The following PDE4A variants were observed in gnomAD, a reference collection of about 807,000 sequenced individuals.
PDE4A encodes 3',5'-cyclic-AMP phosphodiesterase 4A.
A neutral mutation model predicts 73.9 loss-of-function variants in PDE4A; 21 were observed. The ratio of observed to expected loss-of-function variants is 0.28; its 90% CI spans 0.20 to 0.41. PDE4A has a LOEUF of 0.41. Ranked by LOEUF, PDE4A falls within the 10% of genes least tolerant of loss-of-function variation. The probability of loss-of-function intolerance (pLI) is 1.00; values close to 1 mark genes in which losing one functional copy is unlikely to be tolerated. For missense variants in PDE4A, 958 were observed against 1,211.4 expected, an observed-to-expected ratio of 0.79 and a Z score of 3.10; for synonymous variants, 463 against 505.4, an observed-to-expected ratio of 0.92 and a Z score of 1.13.
Position 10,467,091 on chromosome 19 carries a change from C to G in PDE4A, c.2131C>G (p.Leu711Val), listed in dbSNP as rs1261124519. 3 of 1,614,148 alleles carry G rather than the reference C, an allele frequency of 1.9e-6. No homozygotes were observed. Among genetic ancestry groups the G allele is most frequent in the Non-Finnish European group, 1.7e-6 (2 of 1,180,024 alleles). The change falls in exon 15 of 15, where the codon CTG becomes GTG. Residue 711 changes from leucine (L) to valine (V), a missense_variant. By Grantham distance (32) the Leu-to-Val change is conservative. This residue lies in a region of PDE4A where 243 missense variants were observed against 245.9 expected (regional missense o/e 0.99). Coordinates refer to ENST00000380702, the MANE Select transcript of PDE4A (RefSeq NM_001111307.2). ...PPLPDKFQFE[L>V]TLEEEEEEEI... ...CCTGCCTGACAAGTTCCAGTTTGAGCTGACGCTGGAGGAGGAAGAGGAGGA... is the reference window on the plus strand; with the variant it reads ...CCTGCCTGACAAGTTCCAGTTTGAGGTGACGCTGGAGGAGGAAGAGGAGGA...
At chr19:10,416,900 C>G, upstream of PDE4A, 1 of 1,535,812 alleles carries the variant, frequency 6.5e-7, no homozygotes, top group Non-Finnish European at 8.7e-7. Context: ...CTGGCCCTGC[C>G]GACATGGCCA....
intron 2 of PDE4A, among the ~76,000 whole-genome samples, chr19:10,447,607 G>A (rs541374158): frequency 1.1e-4 from 16 of 151,770 alleles, no homozygotes; most frequent in South Asian, 8.3e-4. Context: ...GGGCTCAAGC[G>A]ATCCTCCCAC....
chr19:10,455,400 G>T (rs2043154371), intron 7 of PDE4A, among the ~76,000 whole-genome samples: 1 of 151,244 alleles, frequency 6.6e-6, no homozygotes. Context: ...GGGGGTGGAG[G>T]TTGCAGTGAG....
intron 2 of PDE4A, among the ~76,000 whole-genome samples, chr19:10,446,772 T>C (rs1390461881): frequency 6.6e-6 from 1 of 151,644 alleles, no homozygotes; most frequent in Non-Finnish European, 1.5e-5. Flanking sequence ...TTGTGTATTT[T>C]TAGTAGAGAC....
intron 1 of PDE4A, chr19:10,427,384 T>C (rs988050401): frequency 3.7e-6 from 2 of 537,486 alleles, no homozygotes; most frequent in African/African-American, 2.1e-5. Context: ...GCAGAGGTCC[T>C]GTGGTGGGAG....
In PDE4A at chr19:10,458,828, AG is replaced by A. The variant is rs1050417284; in HGVS notation, c.1102-570del. On this transcript the variant is annotated intron_variant, in intron 8 of 14. Coordinates refer to ENST00000380702, the MANE Select transcript of PDE4A (RefSeq NM_001111307.2). This position sits in a 1 kb window ranked among gnomAD's most constrained non-coding sequence, Gnocchi z 4.6. ...GAAATGGGGTTTCACCATGTTGACC[AG>A]GCTGGTCTCGAACTCCTGGCCTCAA... The A allele has an allele frequency of 6.5e-6, 1 of 153,846 alleles. No homozygotes were observed. Among genetic ancestry groups the A allele is most frequent in the African/African-American group, 2.4e-5 (1 of 41,434 alleles). 9.5% of individuals were successfully genotyped at this position (153,846 alleles called of 1,614,324 possible).
At chr19:10,433,674 C>G (rs2042824790) in intron 1 of PDE4A, among the ~76,000 whole-genome samples, 2 of 152,224 alleles carry the variant, frequency 1.3e-5, no homozygotes, top group Admixed American at 6.5e-5. Flanking sequence ...CCCCCAGTCT[C>G]TTACATACTC....
chr19:10,461,700 G>GGA lies in PDE4A; in HGVS notation c.1620+20_1620+21insGA. Reference sequence around the variant, plus strand: ...GACATGGTGGGCGGGGCTGGGGCGGGACGGAGCGGGAAAGGAAGCCTAGGA... The same window carrying GGA: ...GACATGGTGGGCGGGGCTGGGGCGGGGAACGGAGCGGGAAAGGAAGCCTAGGA... On this transcript the variant is annotated intron_variant, in intron 12 of 14. Coordinates refer to ENST00000380702, the MANE Select transcript of PDE4A (RefSeq NM_001111307.2). 1 of 598,458 alleles carries GGA rather than the reference G, an allele frequency of 1.7e-6. No individual in the cohort carries two copies. Among genetic ancestry groups the GGA allele is most frequent in the Non-Finnish European group, 3.1e-6 (1 of 318,874 alleles). 37.1% of individuals were successfully genotyped at this position (598,458 alleles called of 1,614,324 possible).
chr19:10,469,628 C>G lies in PDE4A; in HGVS notation c.*2007C>G, dbSNP rs200879608. The G allele has an allele frequency of 4.6e-5, 7 of 152,300 alleles. No individual in the cohort carries two copies. The highest frequency in any genetic ancestry group is 1.0e-4 in the Non-Finnish European group (7 of 68,060). 9.4% of individuals were successfully genotyped at this position (152,300 alleles called of 1,614,324 possible). A position where few individuals can be genotyped will look rare whatever the true frequency, so the allele number is the denominator to read the frequency against. ...TCTCCAATTAAACCGAGGCTTTCAC[C>G]GATTTTCCTGGCTGATGTGGCTTCA... is the stretch of plus-strand genomic sequence containing the variant. On this transcript the variant is annotated 3_prime_UTR_variant, in exon 15 of 15. Transcript: ENST00000380702.
intron 1 of PDE4A, among the ~76,000 whole-genome samples, chr19:10,430,408 G>T (rs1163148978): frequency 6.6e-6 from 1 of 151,950 alleles, no homozygotes; most frequent in African/African-American, 2.4e-5. Flanking sequence ...GAGAAGCCCC[G>T]GGATTTGGGG....
chr19:10,441,406 C>T (rs1043184926), intron 1 of PDE4A, among the ~76,000 whole-genome samples: 1 of 151,150 alleles, frequency 6.6e-6, no homozygotes, highest in Non-Finnish European at 1.5e-5. Flanking sequence ...GGATTACAGG[C>T]GTGAGCCACC....
chr19:10,467,060 C>G lies in PDE4A; in HGVS notation c.2100C>G (p.His700Gln). ...PPEEESRGPG[H>Q]PPLPDKFQFE... ...AGGAGGAGTCAAGGGGGCCAGGCCA[C>G]CCACCCCTGCCTGACAAGTTCCAGT... The change falls in exon 15 of 15, where the codon CAC (histidine) becomes CAG (glutamine). Residue 700 changes from histidine to glutamine, a missense_variant. His to Gln is a conservative substitution (Grantham distance 24). Transcript: ENST00000380702. The G allele has an allele frequency of 6.2e-7, 1 of 1,614,162 alleles. No individual in the cohort carries two copies.
Position 10,453,022 on chromosome 19 carries a change from C to T in PDE4A, c.784-1807C>T, listed in dbSNP as rs1040442226. 7.5e-6 allele frequency: 10 copies of T among 1,330,026 alleles called. No individual in the cohort carries two copies. Among genetic ancestry groups the T allele is most frequent in the African/African-American group, 1.5e-5 (1 of 65,028 alleles). 82.4% of individuals were successfully genotyped at this position (1,330,026 alleles called of 1,614,324 possible). On this transcript the variant is annotated intron_variant, in intron 6 of 14. Transcript: ENST00000380702. The surrounding 1 kb of genome is among the most constrained non-coding windows in gnomAD (Gnocchi z 4.6). ...CATGGGCACGGACCCCCCACCGCCT[C>T]CACCCACTGCCGCGGGGGGGCCCGT...
In PDE4A at chr19:10,450,077, C is replaced by G. The variant is rs139653395; in HGVS notation, c.621-526C>G. On this transcript the variant is annotated intron_variant, in intron 4 of 14. Transcript: ENST00000380702. The stretch of plus-strand genomic sequence containing the variant: ...CACCACTGCACTCCAGCCTGGGTGA[C>G]AGAGCAAGACCCTGGTTCAAAAAAT... Among the ~76,000 whole-genome samples, 141 of 152,258 alleles carry G rather than the reference C, an allele frequency of 9.3e-4. 1 individual carries two copies. The Middle Eastern group carries it at 0.014, about 15-fold the overall frequency.
In PDE4A at chr19:10,457,860, T is replaced by G. The variant is rs931522188; in HGVS notation, c.878-19T>G. ...TGGAAGGGTTGTTCACACTTGTTCC[T>G]GCTCCCCATCTTCTGCAGACAAACA... On this transcript the variant is annotated intron_variant, in intron 7 of 14. Coordinates refer to ENST00000380702, the MANE Select transcript of PDE4A (RefSeq NM_001111307.2). 1 of 1,611,948 alleles carries G rather than the reference T, an allele frequency of 6.2e-7. No individual in the cohort carries two copies. The highest frequency in any genetic ancestry group is 1.3e-5 in the African/African-American group (1 of 74,940).
chr19:10,446,901 C>CTTTTTTTCTCT (rs1939804348), intron 2 of PDE4A, among the ~76,000 whole-genome samples: 3 of 145,508 alleles, frequency 2.1e-5, no homozygotes, highest in South Asian at 2.2e-4. Flanking sequence ...GCCTCAGTTC[C>CTTTTTTTCTCT]TTTTTTTTTT....
At position 10,462,076 on chromosome 19, in the gene PDE4A, C is replaced by T. The variant is rs1246616349; in HGVS notation, c.1743+77C>T. The T allele has an allele frequency of 4.3e-6, 5 of 1,152,008 alleles. No individual in the cohort carries two copies. In the African/African-American group the frequency reaches 4.7e-5, roughly 11 times the overall value. The allele number at this position is 1,152,008 out of a possible 1,614,324, so 71.4% of individuals were successfully genotyped here. ...CTTTAGGTCTGGGTAGCTAACTGCCCCTTCCTCAGCCTCTTTCTCCCAAGT... is the reference window on the plus strand; with the variant it reads ...CTTTAGGTCTGGGTAGCTAACTGCCTCTTCCTCAGCCTCTTTCTCCCAAGT... On this transcript the variant is annotated intron_variant, in intron 13 of 14. Transcript: ENST00000380702.
intron 1 of PDE4A, among the ~76,000 whole-genome samples, chr19:10,442,508 A>T (rs1481562286): frequency 2.0e-5 from 3 of 152,008 alleles, no homozygotes; most frequent in Non-Finnish European, 2.9e-5. Flanking sequence ...TGGGCGACAG[A>T]GTGAAATCCT....
chr19:10,421,762 G>A (rs2042654685), intron 1 of PDE4A, among the ~76,000 whole-genome samples: 2 of 152,198 alleles, frequency 1.3e-5, no homozygotes, highest in Non-Finnish European at 2.9e-5. Flanking sequence ...ACAGAGGGAA[G>A]GAGTCCCTGA....
Sources: allele counts gnomAD v4.1 joint callset (sites outside exome capture counted in the v4.1 genomes callset), GRCh38; gene constraint gnomAD v4.1.1; regional missense constraint gnomAD v4.1.1; non-coding constraint Gnocchi (gnomAD v3.1); transcripts MANE v1.5; gene names NCBI Gene and HGNC (gene_info 2026-07-23, HGNC 2026-07-21).